The following SEMA5B variants were observed in gnomAD, a reference collection of about 807,000 sequenced individuals.
SEMA5B encodes the protein semaphorin-5B.
SEMA5B carries 66 observed loss-of-function variants against 135.0 expected under a neutral mutation model. That is an observed-to-expected ratio of 0.49 (90% CI 0.40 to 0.60). The LOEUF is 0.60. SEMA5B is among the 20% of genes least tolerant of loss of function. The pLI is 0.00. For synonymous variants in SEMA5B, 690 were observed against 639.5 expected (o/e 1.08, Z -1.19); for missense variants, 1,501 against 1,566.3 (o/e 0.96, Z 0.70).
At chr3:122,939,591 C>T in intron 4 of SEMA5B, 121 bp from the exon 5 acceptor site, 7 of 725,712 alleles carry the variant, frequency 9.6e-6, no homozygotes, top group South Asian at 6.4e-5. Context: ...CTAGGGTCAA[C>T]CCCTAAGGAG....
intron 1 of SEMA5B, among the ~76,000 whole-genome samples, chr3:122,980,925 T>G (rs1560404410): frequency 6.6e-6 from 1 of 152,242 alleles, no homozygotes. Flanking sequence ...TTTGCCCTTT[T>G]GTGTCTGGCT....
In SEMA5B at chr3:122,911,568, G is replaced by A. The variant is rs200320022; in HGVS notation, c.3047-33C>T. The A allele has an allele frequency of 1.7e-4, 266 of 1,598,970 alleles. 1 individual carries two copies. Among genetic ancestry groups the A allele is most frequent in the Non-Finnish European group, 2.1e-4 (250 of 1,173,638 alleles). On this transcript the variant is annotated intron_variant, in intron 20 of 22. Coordinates refer to ENST00000357599, the MANE Select transcript of SEMA5B (RefSeq NM_001031702.4). ...AAGACCAGTGGACAGGGTGTCAGGGGCGGAGACGAGAGGAGGGGGGCCCTG... is the reference window on the plus strand; with the variant it reads ...AAGACCAGTGGACAGGGTGTCAGGGACGGAGACGAGAGGAGGGGGGCCCTG...
At chr3:122,926,716 A>C in intron 8 of SEMA5B, 39 bp from the exon 9 acceptor site, 1 of 1,595,554 alleles carries the variant, frequency 6.3e-7, no homozygotes, top group South Asian at 1.1e-5. Context: ...AGGGCAGGCC[A>C]GCGGGGAAGA....
At chr3:123,010,105 G>T (rs751427592) in intron 1 of SEMA5B, among the ~76,000 whole-genome samples, 3 of 152,228 alleles carry the variant, frequency 2.0e-5, no homozygotes, top group Non-Finnish European at 4.4e-5. Flanking sequence ...ACCGGAGGTG[G>T]CTGGCTCTGG....
intron 1 of SEMA5B, among the ~76,000 whole-genome samples, chr3:122,966,920 T>C (rs1014564248): frequency 2.0e-5 from 3 of 148,374 alleles, no homozygotes; most frequent in African/African-American, 7.5e-5. Flanking sequence ...GTTTCACTCT[T>C]GTGGCCCAGG....
intron 1 of SEMA5B, among the ~76,000 whole-genome samples, chr3:122,997,250 C>T (rs1309894363): frequency 6.6e-6 from 1 of 152,178 alleles, no homozygotes; most frequent in African/African-American, 2.4e-5. Flanking sequence ...AAGGCAGAGA[C>T]TCGAACACCT....
chr3:122,926,500 C>T lies in SEMA5B; in HGVS notation c.1028G>A (p.Arg343Gln), dbSNP rs755257920. ...EDTWTTFMKA[R>Q]LNCSRPGEVP... The stretch of plus-strand genomic sequence containing the variant: ...CTCGCCCGGGCGGGAGCAGTTGAGC[C>T]GGGCCTTCATGAATGTGGTCCATGT... Residue 343 changes from arginine (R) to glutamine (Q), a missense_variant, in exon 9 of 23, where the codon CGG (arginine) becomes CAG (glutamine). Physicochemically the swap from Arg to Gln is conservative, Grantham distance 43. This residue lies in a region of SEMA5B where 574 missense variants were observed against 684.7 expected (regional missense o/e 0.84). Transcript: ENST00000357599. 13 of 1,614,116 alleles carry T rather than the reference C, an allele frequency of 8.1e-6. No individual in the cohort carries two copies. Among genetic ancestry groups the T allele is most frequent in the African/African-American group, 2.7e-5 (2 of 74,944 alleles).
Position 122,912,939 on chromosome 3 carries a change from T to G in SEMA5B, c.2629A>C (p.Lys877Gln), listed in dbSNP as rs1478495541. ...GGCTCCGGGTTAGTGCACGTTCTCT[T>G]GCGGACGCGGAAGCCCAGCTCGCAG... ...RDCELGFRVR[K>Q]RTCTNPEPRN... is the part of the protein sequence containing the mutation. The change falls in exon 18 of 23, where the codon AAG becomes CAG. Residue 877 changes from lysine (K) to glutamine (Q), a missense_variant. By Grantham distance (53) the Lys-to-Gln change is moderately conservative. Coordinates refer to ENST00000357599, the MANE Select transcript of SEMA5B (RefSeq NM_001031702.4). 1 of 1,612,778 alleles carries G rather than the reference T, an allele frequency of 6.2e-7. No homozygotes were observed. The highest frequency in any genetic ancestry group is 1.1e-5 in the South Asian group (1 of 90,998).
At chr3:122,939,780 A>C (rs564007305) in intron 4 of SEMA5B, among the ~76,000 whole-genome samples, 14 of 152,310 alleles carry the variant, frequency 9.2e-5, no homozygotes, top group African/African-American at 3.4e-4. Flanking sequence ...CTCTGCTCCC[A>C]GCCAACTCAG....
chr3:122,929,425 G>A (rs890191069), intron 5 of SEMA5B, among the ~76,000 whole-genome samples: 4 of 152,220 alleles, frequency 2.6e-5, no homozygotes, highest in African/African-American at 9.6e-5. Context: ...CCCTGGGTGG[G>A]GAATGCGCCT....
intron 1 of SEMA5B, among the ~76,000 whole-genome samples, chr3:123,006,142 G>A (rs1428374941): frequency 1.3e-5 from 2 of 152,204 alleles, no homozygotes; most frequent in Admixed American, 1.3e-4. Flanking sequence ...GACTAGGAGT[G>A]TCTGCAGCTG....
At chr3:123,003,767 G>A (rs1206144001) in intron 1 of SEMA5B, among the ~76,000 whole-genome samples, 1 of 152,198 alleles carries the variant, frequency 6.6e-6, no homozygotes, top group African/African-American at 2.4e-5. Flanking sequence ...CTTGGAGGCG[G>A]AGATTGCAGT....
Position 122,913,310 on chromosome 3 carries a change from G to A in SEMA5B, c.2395C>T (p.Arg799Cys), listed in dbSNP as rs1238107533. Residue 799 changes from arginine to cysteine, a missense_variant, in exon 17 of 23, where the codon CGC becomes TGC. Arg to Cys is a radical substitution (Grantham distance 180, BLOSUM62 -3). Coordinates refer to ENST00000357599, the MANE Select transcript of SEMA5B (RefSeq NM_001031702.4). ...GCAAGGGGCGCGCGGCAGGTGAAGCGGAACCGCTGCTCCTGCCGTGCCCCG... is the reference window on the plus strand; with the variant it reads ...GCAAGGGGCGCGCGGCAGGTGAAGCAGAACCGCTGCTCCTGCCGTGCCCCG... ...QGGARQEQRFRFTCRAPLADP... is the reference protein window; with the variant it reads ...QGGARQEQRFCFTCRAPLADP... The A allele has an allele frequency of 1.9e-6, 3 of 1,573,826 alleles. No homozygotes were observed. Among genetic ancestry groups the A allele is most frequent in the African/African-American group, 2.7e-5 (2 of 74,344 alleles).
chr3:122,965,668 A>G (rs771744774), intron 1 of SEMA5B, among the ~76,000 whole-genome samples: 2 of 152,194 alleles, frequency 1.3e-5, no homozygotes, highest in Non-Finnish European at 2.9e-5. Flanking sequence ...GTTATTGTAG[A>G]TGGTGTTTTC....
At chr3:122,934,156 C>T in intron 5 of SEMA5B, among the ~76,000 whole-genome samples, 1 of 151,450 alleles carries the variant, frequency 6.6e-6, no homozygotes, top group Non-Finnish European at 1.5e-5. Context: ...ATCCACCCGC[C>T]TCGGCCTCCC....
At chr3:122,976,564 C>T (rs180921130) in intron 1 of SEMA5B, among the ~76,000 whole-genome samples, 2 of 152,328 alleles carry the variant, frequency 1.3e-5, no homozygotes, top group East Asian at 1.9e-4. Context: ...TATTTTCAAA[C>T]ATACAAAACA....
chr3:122,990,597 T>C (rs555458013), intron 1 of SEMA5B, among the ~76,000 whole-genome samples: 2 of 152,166 alleles, frequency 1.3e-5, no homozygotes, highest in Admixed American at 1.3e-4. Flanking sequence ...GGCTTCACAA[T>C]GTATGACATA....
chr3:123,023,267 A>AC (rs1942730148), intron 1 of SEMA5B, among the ~76,000 whole-genome samples: 4 of 152,196 alleles, frequency 2.6e-5, no homozygotes, highest in Admixed American at 6.5e-5. Flanking sequence ...AGGTAAACTC[A>AC]TATGGAAAGA....
At chr3:122,926,022 C>T (rs747874136) in intron 9 of SEMA5B, among the ~76,000 whole-genome samples, 30 of 152,160 alleles carry the variant, frequency 2.0e-4, no homozygotes, top group Non-Finnish European at 4.1e-4. Flanking sequence ...ATCACATAGT[C>T]CTGAGGTTGG....
Sources: gnomAD v4.1 joint callset for allele counts (sites outside exome capture counted in the v4.1 genomes callset) on GRCh38, gnomAD v4.1.1 for gene constraint, gnomAD v4.1.1 regional missense constraint, MANE v1.5 for transcripts, NCBI Gene and HGNC (gene_info 2026-07-23, HGNC 2026-07-21) for gene names.